The following TMEM132B variants were observed in gnomAD, a reference collection of about 807,000 sequenced individuals.
TMEM132B encodes transmembrane protein 132B.
In TMEM132B, 18 loss-of-function variants were observed where a neutral mutation model predicts 90.8. That is an observed-to-expected ratio of 0.20 (90% CI 0.14 to 0.29). The LOEUF is 0.29. TMEM132B is among the 10% of genes least tolerant of loss of function. The pLI is 1.00. For synonymous variants in TMEM132B, 504 were observed against 523.3 expected (o/e 0.96, Z 0.50); for missense variants, 1,096 against 1,326.8 (o/e 0.83, Z 2.70).
chr12:125,543,024 C>G (rs1415809417), intron 4 of TMEM132B, among the ~76,000 whole-genome samples: 1 of 152,134 alleles, frequency 6.6e-6, no homozygotes, highest in Non-Finnish European at 1.5e-5. Context: ...GAATATGACC[C>G]TTATTCAGTC....
chr12:125,423,177 T>C lies in TMEM132B; in HGVS notation c.1106+7500T>C, dbSNP rs191295070. Among the ~76,000 whole-genome samples the C allele has an allele frequency of 1.7e-3, 266 of 152,298 alleles. 3 individuals are homozygous for C. Among genetic ancestry groups the C allele is most frequent in the Middle Eastern group, 6.8e-3 (2 of 294 alleles). On this transcript the variant is annotated intron_variant, in intron 3 of 8. Coordinates refer to ENST00000682704, the MANE Select transcript of TMEM132B (RefSeq NM_001366854.1). ...CTGGGAGACATGAATGAATGAAAAT[T>C]CATTTAAGCCCCAGGAGAAGATAAA...
chr12:125,389,054 A>ACACACACG (rs1878931341), intron 2 of TMEM132B, among the ~76,000 whole-genome samples: 1 of 150,178 alleles, frequency 6.7e-6, no homozygotes, highest in Non-Finnish European at 1.5e-5. Flanking sequence ...ACACACACAC[A>ACACACACG]CAAACACACA....
Position 125,328,986 on chromosome 12 carries a change from C to G in TMEM132B, c.68-20466C>G, listed in dbSNP as rs73424703. ...GGCTCTTAATGGATACTGAATGAACCCTGTTATGGACTGAATGTTCGCATT... is the reference window on the plus strand; with the variant it reads ...GGCTCTTAATGGATACTGAATGAACGCTGTTATGGACTGAATGTTCGCATT... On this transcript the variant is annotated intron_variant, in intron 1 of 8. Transcript: ENST00000682704. Among the ~76,000 whole-genome samples the G allele has an allele frequency of 1.8e-3, 278 of 152,140 alleles. 1 individual carries two copies. The highest frequency in any genetic ancestry group is 6.5e-3 in the African/African-American group (269 of 41,504).
chr12:125,414,430 C>G (rs1263221475), intron 2 of TMEM132B, among the ~76,000 whole-genome samples: 1 of 151,982 alleles, frequency 6.6e-6, no homozygotes, highest in South Asian at 2.1e-4. Context: ...GCATAATGCA[C>G]CTGTCTTTGC....
intron 1 of TMEM132B, among the ~76,000 whole-genome samples, chr12:125,337,394 G>A (rs954610412): frequency 4.6e-5 from 7 of 152,134 alleles, no homozygotes; most frequent in Admixed American, 6.5e-5. Context: ...TTCCAGGGCC[G>A]GGGCTCCTTC....
chr12:125,640,689 C>CAT (rs1566097983), intron 5 of TMEM132B, among the ~76,000 whole-genome samples: 1 of 127,606 alleles, frequency 7.8e-6, no homozygotes, highest in African/African-American at 2.7e-5. Flanking sequence ...GGCTCACACA[C>CAT]GCAAAATGCT....
At position 125,277,027 on chromosome 12, in the gene TMEM132B, G is replaced by A. The variant is rs943060378; in HGVS notation, c.68-72425G>A. Among the ~76,000 whole-genome samples the A allele has an allele frequency of 2.0e-5, 3 of 152,188 alleles. No homozygotes were observed. The highest frequency in any genetic ancestry group is 7.2e-5 in the African/African-American group (3 of 41,454). ...GCTATGAGCTGGATTTGTGGGTACC[G>A]TGGGTTGAATTATGTCCACCAAAAC... is the stretch of plus-strand genomic sequence containing the variant. On this transcript the variant is annotated intron_variant, in intron 1 of 8. Coordinates refer to ENST00000682704, the MANE Select transcript of TMEM132B (RefSeq NM_001366854.1). The surrounding 1 kb of genome is among the most constrained non-coding windows in gnomAD (Gnocchi z 4.3).
intron 1 of TMEM132B, among the ~76,000 whole-genome samples, chr12:125,265,658 C>T (rs138640482): frequency 6.6e-6 from 1 of 152,320 alleles, no homozygotes; most frequent in Admixed American, 6.5e-5. Context: ...CACCTAATCA[C>T]ACAGCACCCT....
intron 5 of TMEM132B, among the ~76,000 whole-genome samples, chr12:125,603,360 C>A (rs1361862343): frequency 6.6e-6 from 1 of 152,132 alleles, no homozygotes; most frequent in African/African-American, 2.4e-5. Flanking sequence ...AAAGGATTCC[C>A]CATTTAATAA....
intron 5 of TMEM132B, among the ~76,000 whole-genome samples, chr12:125,640,646 C>A (rs1478962124): frequency 6.8e-6 from 1 of 146,314 alleles, no homozygotes; most frequent in Non-Finnish European, 1.5e-5. Flanking sequence ...GCAGAGGAGA[C>A]AGCCCTGGGC....
rs79507687 is a variant in TMEM132B, at chr12:125,224,528, G to A, written c.67+37662G>A. Among the ~76,000 whole-genome samples, 541 of 152,320 alleles carry A rather than the reference G, an allele frequency of 3.6e-3. 4 individuals carry two copies. Among genetic ancestry groups the A allele is most frequent in the African/African-American group, 0.012 (506 of 41,576 alleles). On this transcript the variant is annotated intron_variant, in intron 1 of 8. Transcript: ENST00000682704. ...GAAGCACTCATCCCATTGTCCTCAGGTGGGTGACTGTCTTGTATGAGGCAG... is the reference window on the plus strand; with the variant it reads ...GAAGCACTCATCCCATTGTCCTCAGATGGGTGACTGTCTTGTATGAGGCAG...
intron 1 of TMEM132B, among the ~76,000 whole-genome samples, chr12:125,295,218 A>T (rs9651881): frequency 0.025 from 3,866 of 152,328 alleles, 170 homozygotes; most frequent in African/African-American, 0.088. Context: ...TTCTGTTCTG[A>T]CAAGTCACCT....
intron 3 of TMEM132B, among the ~76,000 whole-genome samples, chr12:125,422,952 CA>C (rs1319827451): frequency 6.6e-6 from 1 of 152,154 alleles, no homozygotes; most frequent in African/African-American, 2.4e-5. Flanking sequence ...GAAACTAGAC[CA>C]GGGGCGTAAA....
At chr12:125,650,125 T>A (rs1593045862) in intron 6 of TMEM132B, among the ~76,000 whole-genome samples, 1 of 152,180 alleles carries the variant, frequency 6.6e-6, no homozygotes, top group East Asian at 1.9e-4. Context: ...GTTAGAACCG[T>A]CCACTGCTGA....
chr12:125,282,344 C>G (rs11058124), intron 1 of TMEM132B, among the ~76,000 whole-genome samples: 18,061 of 152,220 alleles, frequency 0.12, 1,276 homozygotes, highest in African/African-American at 0.2. Flanking sequence ...CACTCCTCAG[C>G]TCATCCAGGC....
intron 3 of TMEM132B, among the ~76,000 whole-genome samples, chr12:125,431,335 T>C (rs189521876): frequency 1.3e-5 from 2 of 152,074 alleles, no homozygotes; most frequent in African/African-American, 4.8e-5. Context: ...GATGACATGA[T>C]GAGAAACGCT....
chr12:125,603,990 T>G (rs959842581), intron 5 of TMEM132B, among the ~76,000 whole-genome samples: 2 of 152,144 alleles, frequency 1.3e-5, no homozygotes, highest in African/African-American at 4.8e-5. Flanking sequence ...AATTTTACAC[T>G]GTTGGTGGGA....
chr12:125,511,169 A>G (rs755310015), intron 3 of TMEM132B, among the ~76,000 whole-genome samples: 5 of 152,144 alleles, frequency 3.3e-5, no homozygotes, highest in Non-Finnish European at 5.9e-5. Flanking sequence ...CTCTCTTGTG[A>G]CTGGCTTCTT....
chr12:125,484,797 G>T (rs2136538937), intron 3 of TMEM132B, among the ~76,000 whole-genome samples: 1 of 152,164 alleles, frequency 6.6e-6, no homozygotes, highest in East Asian at 1.9e-4. Context: ...TAGAGATAGG[G>T]TCTCACCACG....
Sources: allele counts gnomAD v4.1 joint callset (sites outside exome capture counted in the v4.1 genomes callset), GRCh38; gene constraint gnomAD v4.1.1; non-coding constraint Gnocchi (gnomAD v3.1); transcripts MANE v1.5; gene names NCBI Gene and HGNC (gene_info 2026-07-23, HGNC 2026-07-21).